The following YTHDF3 variants were observed in gnomAD, a reference collection of about 807,000 sequenced individuals.
The protein encoded by YTHDF3 is YTH N6-methyladenosine RNA binding protein F3.
Under a neutral mutation model 52.5 loss-of-function variants are expected in YTHDF3, and 9 were observed. The observed-to-expected ratio is 0.17, with a 90% CI of 0.10 to 0.30. The LOEUF is 0.30. Among genes scored for constraint, YTHDF3 ranks in the 10% least tolerant of loss-of-function variants. The pLI, the probability that YTHDF3 is intolerant of heterozygous loss-of-function variation, is 1.00. For synonymous variants in YTHDF3, 274 were observed against 243.3 expected (o/e 1.13, Z -1.18); for missense variants, 534 against 715.0 (o/e 0.75, Z 2.89).
intron 4 of YTHDF3, among the ~76,000 whole-genome samples, chr8:63,205,912 G>A (rs1379183624): frequency 6.6e-6 from 1 of 152,110 alleles, no homozygotes; most frequent in Non-Finnish European, 1.5e-5. Context: ...TTAACTTTTG[G>A]AGGATTTGTG....
chr8:63,191,736 T>A lies in YTHDF3; in HGVS notation c.1734+3991T>A, dbSNP rs149588753. ...CTATAAGACATTTTCCATATTGTCA[T>A]AATTGAAATTATGTACTATATGATC... On this transcript the variant is annotated intron_variant, in intron 4 of 4. Coordinates refer to ENST00000539294, the MANE Select transcript of YTHDF3 (RefSeq NM_152758.6). Among the ~76,000 whole-genome samples, 938 of 152,350 alleles carry A rather than the reference T, an allele frequency of 6.2e-3. 4 individuals carry two copies. Among genetic ancestry groups the A allele is most frequent in the Non-Finnish European group, 9.9e-3 (674 of 68,032 alleles).
chr8:63,186,838 T>C lies in YTHDF3; in HGVS notation c.827T>C (p.Ile276Thr). The C allele has an allele frequency of 1.2e-6, 2 of 1,613,918 alleles. No individual in the cohort carries two copies. The highest frequency in any genetic ancestry group is 1.7e-6 in the Non-Finnish European group (2 of 1,179,888). ...PPPPIKHNMNIGTWDEKGSVV... is the reference protein window; with the variant it reads ...PPPPIKHNMNTGTWDEKGSVV... ...CCTCCTATAAAACACAACATGAATA[T>C]TGGAACTTGGGATGAAAAAGGGTCA... Residue 276 changes from isoleucine (I) to threonine (T), a missense_variant, in exon 4 of 5, where the codon ATT becomes ACT. Transcript: ENST00000539294.
At chr8:63,209,637 T>G in intron 4 of YTHDF3, 46 bp from the exon 5 acceptor site, 1 of 1,511,000 alleles carries the variant, frequency 6.6e-7, no homozygotes, top group Non-Finnish European at 8.9e-7. Context: ...TAATGAGAGT[T>G]TTTCATTGTA....
intron 3 of YTHDF3, among the ~76,000 whole-genome samples, chr8:63,177,015 A>C (rs866228503): frequency 6.6e-6 from 1 of 152,220 alleles, no homozygotes; most frequent in Admixed American, 6.5e-5. Flanking sequence ...TAAAGATGCC[A>C]GTTAGTTTGT....
intron 4 of YTHDF3, among the ~76,000 whole-genome samples, chr8:63,199,154 T>A (rs996007498): frequency 6.6e-5 from 10 of 152,202 alleles, no homozygotes; most frequent in African/African-American, 2.2e-4. Context: ...TTTCTCAGAT[T>A]ATTAATAGTG....
At chr8:63,182,783 C>A (rs1400952107) in intron 3 of YTHDF3, among the ~76,000 whole-genome samples, 1 of 152,044 alleles carries the variant, frequency 6.6e-6, no homozygotes, top group Non-Finnish European at 1.5e-5. Context: ...ATCTACTTCC[C>A]TGTATTACTT....
At chr8:63,172,175 A>G (rs916042760) in intron 2 of YTHDF3, among the ~76,000 whole-genome samples, 3 of 152,176 alleles carry the variant, frequency 2.0e-5, no homozygotes, top group African/African-American at 4.8e-5. Flanking sequence ...TTATTTGCCT[A>G]TTGGTTCATA....
chr8:63,202,284 GGTTT>G (rs1262095297), intron 4 of YTHDF3, among the ~76,000 whole-genome samples: 1 of 152,078 alleles, frequency 6.6e-6, no homozygotes, highest in African/African-American at 2.4e-5. Flanking sequence ...GTGCAGAATT[GGTTT>G]GTTTCCTTTA....
intron 4 of YTHDF3, among the ~76,000 whole-genome samples, chr8:63,204,423 G>A (rs1031934844): frequency 6.7e-5 from 10 of 149,254 alleles, no homozygotes; most frequent in Non-Finnish European, 1.0e-4. Context: ...GTACAATGGC[G>A]TGATCTCGGG....
At chr8:63,190,445 A>T (rs1053042714) in intron 4 of YTHDF3, among the ~76,000 whole-genome samples, 5 of 152,300 alleles carry the variant, frequency 3.3e-5, no homozygotes, top group South Asian at 4.1e-4. Context: ...TTGTAGCCAT[A>T]TACACAACAG....
intron 4 of YTHDF3, among the ~76,000 whole-genome samples, chr8:63,197,558 A>G (rs1323278077): frequency 6.6e-6 from 1 of 152,192 alleles, no homozygotes; most frequent in African/African-American, 2.4e-5. Flanking sequence ...ATTGTTTCAA[A>G]TCATAAGCAC....
chr8:63,183,122 A>G (rs1808261094), intron 3 of YTHDF3, among the ~76,000 whole-genome samples: 1 of 151,930 alleles, frequency 6.6e-6, no homozygotes, highest in South Asian at 2.1e-4. Context: ...TCCCATGGCC[A>G]GCTAATTTTT....
Position 63,209,882 on chromosome 8 carries a change from C to T in YTHDF3, c.*176C>T. On this transcript the variant is annotated 3_prime_UTR_variant, in exon 5 of 5. Transcript: ENST00000539294. The stretch of plus-strand genomic sequence containing the variant: ...TTTCATCAGCGCATCTGCCCTTATA[C>T]TCTTCACCAAACACACTTGAGAACT... The T allele has an allele frequency of 1.7e-6, 1 of 581,572 alleles. No homozygotes were observed. Among genetic ancestry groups the T allele is most frequent in the Non-Finnish European group, 2.9e-6 (1 of 344,222 alleles). 36.0% of individuals were successfully genotyped at this position (581,572 alleles called of 1,614,324 possible).
intron 4 of YTHDF3, among the ~76,000 whole-genome samples, chr8:63,197,237 A>G (rs1461451593): frequency 6.6e-6 from 1 of 152,246 alleles, no homozygotes; most frequent in African/African-American, 2.4e-5. Context: ...GGTTTTAAGT[A>G]GACATTTGTT....
chr8:63,178,055 G>A (rs944359264), intron 3 of YTHDF3, among the ~76,000 whole-genome samples: 1 of 152,188 alleles, frequency 6.6e-6, no homozygotes, highest in Non-Finnish European at 1.5e-5. Context: ...ACCGCACTCA[G>A]CCATTCAAAC....
chr8:63,185,702 C>T (rs1386268419), intron 3 of YTHDF3, among the ~76,000 whole-genome samples: 2 of 152,162 alleles, frequency 1.3e-5, no homozygotes, highest in African/African-American at 4.8e-5. Flanking sequence ...TGTAATTCCT[C>T]TATTATTCGG....
At chr8:63,196,422 C>A (rs193159073) in intron 4 of YTHDF3, among the ~76,000 whole-genome samples, 1 of 151,626 alleles carries the variant, frequency 6.6e-6, no homozygotes, top group Non-Finnish European at 1.5e-5. Flanking sequence ...ATTAGCGAGG[C>A]GTGCTGACAG....
Position 63,187,132 on chromosome 8 carries a change from A to G in YTHDF3, c.1121A>G (p.Asn374Ser). ...CAGAACAATGGAGCGGGCAGTGAAA[A>G]CTTTGGTTTAGGTGTTGTACCTGTC... is the stretch of plus-strand genomic sequence containing the variant. ...FNQNNGAGSE[N>S]FGLGVVPVSA... is the part of the protein sequence containing the mutation. The change falls in exon 4 of 5, where the codon AAC (asparagine) becomes AGC (serine). Residue 374 changes from asparagine (N) to serine (S), a missense_variant. Around this residue, in one of 3 missense-constraint regions of YTHDF3, gnomAD observed 203 missense variants for 201.3 expected, o/e 1.01. Coordinates refer to ENST00000539294, the MANE Select transcript of YTHDF3 (RefSeq NM_152758.6). 1 of 1,613,870 alleles carries G rather than the reference A, an allele frequency of 6.2e-7. No individual in the cohort carries two copies. Among genetic ancestry groups the G allele is most frequent in the Non-Finnish European group, 8.5e-7 (1 of 1,179,838 alleles).
chr8:63,208,534 A>T (rs1585794032), intron 4 of YTHDF3, among the ~76,000 whole-genome samples: 1 of 152,176 alleles, frequency 6.6e-6, no homozygotes, highest in African/African-American at 2.4e-5. Context: ...AGAAATTCAG[A>T]TTCTTAGGTT....
Sources: allele counts gnomAD v4.1 joint callset (sites outside exome capture counted in the v4.1 genomes callset), GRCh38; gene constraint gnomAD v4.1.1; regional missense constraint gnomAD v4.1.1; transcripts MANE v1.5; gene names NCBI Gene and HGNC (gene_info 2026-07-23, HGNC 2026-07-21).